MAGI2: variants seen among roughly 807,000 people sequenced by gnomAD.
The protein encoded by MAGI2 is membrane-associated guanylate kinase, WW and PDZ domain-containing protein 2.
In MAGI2, 35 loss-of-function variants were observed where a neutral mutation model predicts 133.3. That is an observed-to-expected ratio of 0.26 (90% CI 0.20 to 0.35). The LOEUF (loss-of-function observed/expected upper bound fraction) is 0.35, where lower values mean the gene tolerates loss of function less well. Ranked by LOEUF, MAGI2 falls within the 10% of genes least tolerant of loss-of-function variation. MAGI2 has a pLI of 1.00. For synonymous variants in MAGI2, 729 were observed against 710.6 expected (o/e 1.03, Z -0.41); for missense variants, 1,636 against 1,863.4 (o/e 0.88, Z 2.25).
chr7:79,133,201 T>A (rs1012060478), intron 1 of MAGI2, among the ~76,000 whole-genome samples: 1 of 152,220 alleles, frequency 6.6e-6, no homozygotes, highest in Admixed American at 6.5e-5. Flanking sequence ...GCTTTTGGTG[T>A]CTTAGTCATG....
At chr7:79,232,651 A>C (rs1831476212) in intron 1 of MAGI2, among the ~76,000 whole-genome samples, 1 of 111,802 alleles carries the variant, frequency 8.9e-6, no homozygotes, top group South Asian at 3.3e-4. Flanking sequence ...CCCCTTTATC[A>C]TTTTTTATTG....
intron 21 of MAGI2, among the ~76,000 whole-genome samples, chr7:78,066,684 A>G (rs556881955): frequency 6.6e-6 from 1 of 152,268 alleles, no homozygotes; most frequent in South Asian, 2.1e-4. Flanking sequence ...AGTACTAGAA[A>G]TTCTGGAATA....
intron 1 of MAGI2, among the ~76,000 whole-genome samples, chr7:79,057,922 C>T (rs977684680): frequency 6.6e-6 from 1 of 150,426 alleles, no homozygotes; most frequent in Non-Finnish European, 1.5e-5. Context: ...CTGTAAGTAA[C>T]TATACAAATT....
In MAGI2 at chr7:78,135,615, T is replaced by C. The variant is rs1822032799; in HGVS notation, c.2846-409A>G. Among the ~76,000 whole-genome samples, 5 of 152,340 alleles carry C rather than the reference T, an allele frequency of 3.3e-5. No individual in the cohort carries two copies. In the South Asian group the frequency reaches 1.0e-3, roughly 32 times the overall value. The stretch of plus-strand genomic sequence containing the variant: ...TGTTTGAGGACCACATAGAACTTTG[T>C]GCCCCATGAGCTCATATTCTAGGGA... On this transcript the variant is annotated intron_variant, in intron 16 of 21. Transcript: ENST00000354212.
chr7:78,190,962 A>G (rs962936979), intron 12 of MAGI2, among the ~76,000 whole-genome samples: 1 of 152,362 alleles, frequency 6.6e-6, no homozygotes. Context: ...TGGGGACATC[A>G]AGAAGTCTGT....
intron 1 of MAGI2, among the ~76,000 whole-genome samples, chr7:79,417,347 T>C (rs1846605234): frequency 6.6e-6 from 1 of 152,202 alleles, no homozygotes; most frequent in Admixed American, 6.5e-5. Context: ...GAGAGCTGAA[T>C]GTTCCTAGGT....
At position 78,554,395 on chromosome 7, in the gene MAGI2, G is replaced by A. The variant is rs116702286; in HGVS notation, c.539-32750C>T. Among the ~76,000 whole-genome samples the A allele has an allele frequency of 3.8e-3, 576 of 152,288 alleles. 5 individuals are homozygous for A. The highest frequency in any genetic ancestry group is 0.013 in the African/African-American group (550 of 41,544). ...ACCTTACATAAATCTGAAAGTCCATGTGGATCTCCTCATTCTGTCAGTCAC... is the reference window on the plus strand; with the variant it reads ...ACCTTACATAAATCTGAAAGTCCATATGGATCTCCTCATTCTGTCAGTCAC... On this transcript the variant is annotated intron_variant, in intron 3 of 21. Transcript: ENST00000354212.
intron 3 of MAGI2, among the ~76,000 whole-genome samples, chr7:78,623,460 A>G (rs1443489241): frequency 6.6e-6 from 1 of 152,074 alleles, no homozygotes; most frequent in Non-Finnish European, 1.5e-5. Flanking sequence ...TTTTTCATAT[A>G]TAGTTTAAGG....
At chr7:78,206,537 C>A (rs549761721) in intron 10 of MAGI2, among the ~76,000 whole-genome samples, 1 of 152,154 alleles carries the variant, frequency 6.6e-6, no homozygotes, top group East Asian at 1.9e-4. Flanking sequence ...ATGATCCACC[C>A]GACTCGGCCT....
intron 2 of MAGI2, among the ~76,000 whole-genome samples, chr7:78,754,411 G>A (rs1488664049): frequency 1.5e-5 from 2 of 137,920 alleles, no homozygotes; most frequent in African/African-American, 2.7e-5. Flanking sequence ...ATAAATAAAT[G>A]CTGAAAGTTA....
chr7:78,141,079 A>C (rs1310197828), intron 16 of MAGI2, among the ~76,000 whole-genome samples: 1 of 152,044 alleles, frequency 6.6e-6, no homozygotes, highest in African/African-American at 2.4e-5. Flanking sequence ...TCTTAGAAAA[A>C]ACTTATGAGG....
chr7:78,770,429 G>A (rs1825465390), intron 2 of MAGI2, among the ~76,000 whole-genome samples: 1 of 152,106 alleles, frequency 6.6e-6, no homozygotes, highest in African/African-American at 2.4e-5. Context: ...ATAAAGATAA[G>A]GCAAATGCAC....
intron 2 of MAGI2, among the ~76,000 whole-genome samples, chr7:78,826,524 G>C (rs1790667995): frequency 6.6e-6 from 1 of 152,076 alleles, no homozygotes. Context: ...TGATGAATTG[G>C]TGAAGCACAG....
chr7:78,266,594 T>C (rs1794034081), intron 9 of MAGI2, among the ~76,000 whole-genome samples: 1 of 151,774 alleles, frequency 6.6e-6, no homozygotes, highest in Admixed American at 6.6e-5. Flanking sequence ...CTTTTTTTTT[T>C]TGAGACAGAG....
chr7:78,299,574 ATTTTTT>A (rs199659603), intron 9 of MAGI2, among the ~76,000 whole-genome samples: 2 of 151,910 alleles, frequency 1.3e-5, no homozygotes, highest in East Asian at 3.9e-4. Flanking sequence ...TATATGGGTG[ATTTTTT>A]TTGGGGTTGC....
chr7:79,375,788 G>C (rs879028581), intron 1 of MAGI2, among the ~76,000 whole-genome samples: 1 of 151,774 alleles, frequency 6.6e-6, no homozygotes, highest in African/African-American at 2.4e-5. Context: ...AAAATAGAGA[G>C]GTTTGAGTTA....
At chr7:79,214,629 T>C (rs930175957) in intron 1 of MAGI2, among the ~76,000 whole-genome samples, 3 of 140,720 alleles carry the variant, frequency 2.1e-5, no homozygotes, top group Non-Finnish European at 3.1e-5. Context: ...TAAATATATA[T>C]AAATTTTATA....
intron 1 of MAGI2, among the ~76,000 whole-genome samples, chr7:79,054,132 G>T (rs1404535630): frequency 1.3e-5 from 2 of 152,090 alleles, no homozygotes; most frequent in Non-Finnish European, 2.9e-5. Context: ...GGAGGCAGAG[G>T]TTGCAATGAG....
At chr7:79,006,768 G>A (rs548597987) in intron 2 of MAGI2, 53 of 206,346 alleles carry the variant, frequency 2.6e-4, no homozygotes, top group African/African-American at 1.1e-3. Flanking sequence ...CTCCCAATGT[G>A]GAGTTCTATC....
Sources: gnomAD v4.1 joint callset for allele counts (sites outside exome capture counted in the v4.1 genomes callset) on GRCh38, gnomAD v4.1.1 for gene constraint, MANE v1.5 for transcripts, NCBI Gene and HGNC (gene_info 2026-07-23, HGNC 2026-07-21) for gene names.